The following SAMD12 variants were observed in gnomAD, a reference collection of about 807,000 sequenced individuals.
The protein encoded by SAMD12 is sterile alpha motif domain containing 12.
In SAMD12, 9 loss-of-function variants were observed where a neutral mutation model predicts 15.0. That is an observed-to-expected ratio of 0.60 (90% confidence interval 0.36 to 1.05). SAMD12 has a LOEUF of 1.05. Among genes scored for constraint, SAMD12 ranks in the 50% least tolerant of loss-of-function variants. SAMD12 has a pLI of 0.01. For synonymous variants in SAMD12, 86 were observed against 90.1 expected, an observed-to-expected ratio of 0.96 and a Z score of 0.25; for missense variants, 230 against 234.2, an observed-to-expected ratio of 0.98 and a Z score of 0.12.
At chr8:118,170,137 C>T in the SAMD12 span, among the ~76,000 whole-genome samples, 18 of 152,090 alleles carry the variant, frequency 1.2e-4, no homozygotes, top group Non-Finnish European at 2.2e-4. Flanking sequence ...TGACTACTAG[C>T]TGTGTGAGGC....
chr8:118,600,991 T>A (rs1245510400), intron 1 of SAMD12, among the ~76,000 whole-genome samples: 1 of 152,072 alleles, frequency 6.6e-6, no homozygotes, highest in Non-Finnish European at 1.5e-5. Flanking sequence ...TATCAGAACA[T>A]AACCACAGTC....
intron 2 of SAMD12, among the ~76,000 whole-genome samples, chr8:118,579,969 C>G (rs1454964854): frequency 6.6e-6 from 1 of 152,138 alleles, no homozygotes; most frequent in African/African-American, 2.4e-5. Context: ...AAAAAATTAC[C>G]TACCCCACAG....
the SAMD12 span, among the ~76,000 whole-genome samples, chr8:118,182,633 T>TA: frequency 1.2e-4 from 19 of 152,016 alleles, no homozygotes; most frequent in Admixed American, 1.2e-3. Flanking sequence ...TGAATAAACA[T>TA]AAAAAAAACT....
intron 2 of SAMD12, among the ~76,000 whole-genome samples, chr8:118,530,823 T>C (rs1324612451): frequency 2.0e-5 from 3 of 152,320 alleles, no homozygotes; most frequent in Non-Finnish European, 4.4e-5. Flanking sequence ...GTAGAATTTT[T>C]ATAGTTTCAG....
intron 4 of SAMD12, among the ~76,000 whole-genome samples, chr8:118,226,835 T>G (rs1460165442): frequency 6.6e-6 from 1 of 152,144 alleles, no homozygotes; most frequent in Non-Finnish European, 1.5e-5. Flanking sequence ...GGATGAGAGC[T>G]GCTTGGAAGA....
intron 2 of SAMD12, among the ~76,000 whole-genome samples, chr8:118,491,998 T>C (rs537751244): frequency 1.3e-5 from 2 of 152,270 alleles, no homozygotes; most frequent in South Asian, 4.1e-4. Context: ...ATCTATAAAG[T>C]TTGATTTACT....
In SAMD12 at chr8:118,378,049, T is replaced by TC. The variant is rs1819475405; in HGVS notation, c.*1367dup. ...GCATATTTACTTGCAGTCCTTTTTT[T>TC]CTGTACATATAAGAATATATGGTTT... is the stretch of plus-strand genomic sequence containing the variant. On this transcript the variant is annotated 3_prime_UTR_variant, in exon 4 of 4. Coordinates refer to ENST00000314727, the MANE Select transcript of SAMD12 (RefSeq NM_207506.3). 1 of 152,222 alleles carries TC rather than the reference T, an allele frequency of 6.6e-6. No individual in the cohort carries two copies. Among genetic ancestry groups the TC allele is most frequent in the Admixed American group, 6.5e-5 (1 of 15,278 alleles). 9.4% of individuals were successfully genotyped at this position (152,222 alleles called of 1,614,324 possible).
intron 4 of SAMD12, among the ~76,000 whole-genome samples, chr8:118,277,821 T>C (rs1217899024): frequency 6.6e-6 from 1 of 152,190 alleles, no homozygotes; most frequent in African/African-American, 2.4e-5. Flanking sequence ...AATTCCATAG[T>C]CACTGCCCTC....
intron 1 of SAMD12, 95 bp from the exon 2 acceptor site, chr8:118,580,988 C>A: frequency 1.1e-6 from 1 of 937,912 alleles, no homozygotes; most frequent in South Asian, 1.8e-5. Context: ...AGGAAAAAAA[C>A]GAGGCATCTA....
chr8:118,314,426 ATG>A (rs969552877), intron 4 of SAMD12, among the ~76,000 whole-genome samples: 1 of 152,046 alleles, frequency 6.6e-6, no homozygotes, highest in Non-Finnish European at 1.5e-5. Context: ...GTGTGTTTGT[ATG>A]TGTGTGTGTA....
chr8:118,428,252 C>T (rs1013146427), intron 3 of SAMD12, among the ~76,000 whole-genome samples: 11 of 152,118 alleles, frequency 7.2e-5, no homozygotes, highest in Admixed American at 5.9e-4. Flanking sequence ...GAAAAGCAGA[C>T]GACTTTTAAT....
chr8:118,389,947 T>G lies in SAMD12; in HGVS notation c.323-10247A>C, dbSNP rs114765881. ...GCCAAACAAATTACGTATATATGGGTCATAGCCAAACAAATTACGTATATA... is the reference window on the plus strand; with the variant it reads ...GCCAAACAAATTACGTATATATGGGGCATAGCCAAACAAATTACGTATATA... On this transcript the variant is annotated intron_variant, in intron 3 of 3. Transcript: ENST00000314727. Among the ~76,000 whole-genome samples the G allele has an allele frequency of 2.3e-3, 348 of 152,200 alleles. 2 individuals are homozygous for G. Among genetic ancestry groups the G allele is most frequent in the African/African-American group, 7.8e-3 (325 of 41,528 alleles).
At chr8:118,294,643 G>C (rs1412108897) in intron 4 of SAMD12, among the ~76,000 whole-genome samples, 1 of 152,104 alleles carries the variant, frequency 6.6e-6, no homozygotes, top group Non-Finnish European at 1.5e-5. Context: ...AAAGCAGAAG[G>C]ATGAAAACAT....
chr8:118,454,405 A>G (rs914672498), intron 2 of SAMD12, among the ~76,000 whole-genome samples: 2 of 152,134 alleles, frequency 1.3e-5, no homozygotes, highest in African/African-American at 2.4e-5. Context: ...CTGAAATTTC[A>G]TGAGAATGTG....
chr8:118,621,765 G>A (rs764771296), intron 1 of SAMD12, 39 bp downstream of exon 1: 7 of 1,611,986 alleles, frequency 4.3e-6, no homozygotes, highest in Non-Finnish European at 5.9e-6. Flanking sequence ...GGGTGCGCGG[G>A]TTAAGAGGGA....
At chr8:118,149,340 G>A in the SAMD12 span, among the ~76,000 whole-genome samples, 1 of 152,234 alleles carries the variant, frequency 6.6e-6, no homozygotes, top group African/African-American at 2.4e-5. Flanking sequence ...CATTCTGGTA[G>A]ATGTGAAGTG....
At chr8:118,490,776 G>GT (rs1232367741) in intron 2 of SAMD12, among the ~76,000 whole-genome samples, 1 of 152,152 alleles carries the variant, frequency 6.6e-6, no homozygotes, top group Non-Finnish European at 1.5e-5. Flanking sequence ...TTCTCCTAGA[G>GT]AAGGCCTCCA....
intron 2 of SAMD12, among the ~76,000 whole-genome samples, chr8:118,551,495 C>T (rs1324581266): frequency 1.3e-5 from 2 of 151,922 alleles, no homozygotes; most frequent in African/African-American, 4.8e-5. Flanking sequence ...AAAGACACAA[C>T]ATACCAGAAT....
intron 2 of SAMD12, among the ~76,000 whole-genome samples, chr8:118,524,037 T>G (rs148065546): frequency 1.2e-4 from 19 of 152,216 alleles, no homozygotes; most frequent in Admixed American, 2.0e-4. Flanking sequence ...TCTTTTTATA[T>G]CTCCCATGTT....
Sources: allele counts gnomAD v4.1 joint callset (sites outside exome capture counted in the v4.1 genomes callset), GRCh38; gene constraint gnomAD v4.1.1; transcripts MANE v1.5; gene names NCBI Gene and HGNC (gene_info 2026-07-23, HGNC 2026-07-21).